GALNT14: variants seen among roughly 807,000 people sequenced by gnomAD.
GALNT14 encodes the protein polypeptide N-acetylgalactosaminyltransferase 14, also known as UDP-GalNAc:polypeptide N-acetylgalactosaminyltransferase 14.
Under a neutral mutation model 77.5 loss-of-function variants are expected in GALNT14, and 60 were observed. The observed-to-expected ratio is 0.77, with a 90% CI of 0.63 to 0.96. The LOEUF is 0.96. Among genes scored for constraint, GALNT14 ranks in the 40% least tolerant of loss-of-function variants. GALNT14 has a pLI of 0.00. For missense variants in GALNT14, 710 were observed against 731.0 expected (o/e 0.97, Z 0.33); for synonymous variants, 280 against 281.7 (o/e 0.99, Z 0.06).
At chr2:31,109,223 T>C (rs1156816407) in intron 1 of GALNT14, among the ~76,000 whole-genome samples, 3 of 152,130 alleles carry the variant, frequency 2.0e-5, no homozygotes, top group African/African-American at 7.2e-5. Flanking sequence ...CAGTGGCAAA[T>C]GGCAGAGAAA....
At chr2:30,931,943 C>T (rs1453113469) in intron 10 of GALNT14, 125 bp downstream of exon 10, 32 of 985,498 alleles carry the variant, frequency 3.2e-5, no homozygotes, top group African/African-American at 5.1e-5. Flanking sequence ...GGTGCAGCCC[C>T]GGCCAGTTCA....
At chr2:31,068,507 CAAAAAA>C (rs56916863) in intron 1 of GALNT14, among the ~76,000 whole-genome samples, 4 of 104,346 alleles carry the variant, frequency 3.8e-5, no homozygotes, top group East Asian at 2.9e-4. Context: ...GACCCCGTCT[CAAAAAA>C]AAAAAAAAAA....
At chr2:31,067,593 G>A (rs1675065099) in intron 1 of GALNT14, among the ~76,000 whole-genome samples, 2 of 152,122 alleles carry the variant, frequency 1.3e-5, no homozygotes, top group South Asian at 4.2e-4. Flanking sequence ...CCATGACTGA[G>A]GTGGCTTTCC....
At chr2:31,087,748 T>C (rs901106988) in intron 1 of GALNT14, among the ~76,000 whole-genome samples, 1 of 152,212 alleles carries the variant, frequency 6.6e-6, no homozygotes, top group Non-Finnish European at 1.5e-5. Flanking sequence ...AGCACATCCA[T>C]TGGATTTGGC....
rs1665553954 is a variant in GALNT14 at position 30,928,928 on chromosome 2, T to G, written c.1151+467A>C. On this transcript the variant is annotated intron_variant, in intron 11 of 14. Coordinates refer to ENST00000349752, the MANE Select transcript of GALNT14 (RefSeq NM_024572.4). ...CCACGCCAAGCCTGGTATCTAGCTT[T>G]TAATAAACATTCCTTTCTCTGTCCT... Among the ~76,000 whole-genome samples the G allele has an allele frequency of 3.9e-5, 6 of 152,142 alleles. No homozygotes were observed. The South Asian group carries it at 1.2e-3, about 32-fold the overall frequency.
the GALNT14 span, among the ~76,000 whole-genome samples, chr2:30,892,991 G>A: frequency 1.6e-4 from 24 of 152,268 alleles, no homozygotes; most frequent in African/African-American, 5.5e-4. Flanking sequence ...AAATTCAAAT[G>A]TTATACCTTT....
rs1033688525 is a variant in GALNT14 at position 31,014,393 on chromosome 2, C to T, written c.130-21386G>A. On this transcript the variant is annotated intron_variant, in intron 1 of 14. Transcript: ENST00000349752. ...CAACTCATTGCAGGGAGAAGCCCCT[C>T]CCACAGAGAGGCATTGGGCCCCCAG... Among the ~76,000 whole-genome samples the T allele has an allele frequency of 2.6e-5, 4 of 152,318 alleles. No individual in the cohort carries two copies. In the East Asian group the frequency reaches 7.7e-4, roughly 29 times the overall value.
In GALNT14 at chr2:30,911,405, G is replaced by T. The variant is rs929546308; in HGVS notation, c.1501-346C>A. ...TCAGCATCTGCACGATGGCAGAGAA[G>T]TGGGGAAGAGCTGGGAGCAGCGAGT... is the stretch of plus-strand genomic sequence containing the variant. On this transcript the variant is annotated intron_variant, in intron 14 of 14. Transcript: ENST00000349752. Among the ~76,000 whole-genome samples, 4 of 152,320 alleles carry T rather than the reference G, an allele frequency of 2.6e-5. No homozygotes were observed. The South Asian group carries it at 6.2e-4, about 24-fold the overall frequency.
intron 2 of GALNT14, among the ~76,000 whole-genome samples, chr2:30,979,868 C>T (rs542994220): frequency 3.9e-5 from 6 of 152,272 alleles, no homozygotes; most frequent in East Asian, 3.9e-4. Context: ...TCTCCTCTCC[C>T]GCTCTTTTCA....
intron 1 of GALNT14, among the ~76,000 whole-genome samples, chr2:31,034,785 A>G (rs771689755): frequency 6.6e-6 from 1 of 152,018 alleles, no homozygotes; most frequent in African/African-American, 2.4e-5. Flanking sequence ...AAATTTGTAT[A>G]TGTTGTGTTT....
chr2:30,944,800 C>T, intron 8 of GALNT14, 58 bp downstream of exon 8: 2 of 1,356,444 alleles, frequency 1.5e-6, no homozygotes, highest in Non-Finnish European at 2.0e-6. Flanking sequence ...CCTCCCTACA[C>T]TTGACAGGAT....
chr2:30,969,735 A>C (rs565396371), intron 2 of GALNT14, among the ~76,000 whole-genome samples: 1 of 152,024 alleles, frequency 6.6e-6, no homozygotes, highest in East Asian at 1.9e-4. Flanking sequence ...GGCTTGGGGG[A>C]TCAGGATACC....
rs373795616 is a variant in GALNT14 at position 31,037,838 on chromosome 2, G to C, written c.130-44831C>G. Among the ~76,000 whole-genome samples the C allele has an allele frequency of 8.6e-5, 13 of 151,884 alleles. No homozygotes were observed. The East Asian group carries it at 1.7e-3, about 20-fold the overall frequency. On this transcript the variant is annotated intron_variant, in intron 1 of 14. Transcript: ENST00000349752. ...GTGTTGGAGCACACTTTCTACACTA[G>C]CTGTTTATAACTCTGCCTCATTCTT... is the stretch of plus-strand genomic sequence containing the variant.
chr2:30,972,415 G>A (rs987396874), intron 2 of GALNT14, among the ~76,000 whole-genome samples: 1 of 152,214 alleles, frequency 6.6e-6, no homozygotes, highest in Admixed American at 6.5e-5. Context: ...TTACAGTGAT[G>A]ACGGTATCCA....
chr2:30,968,358 C>T (rs533433510), intron 2 of GALNT14, among the ~76,000 whole-genome samples: 2 of 152,334 alleles, frequency 1.3e-5, no homozygotes, highest in African/African-American at 2.4e-5. Context: ...GTAGCCCCTC[C>T]CTCACTGAAG....
intron 1 of GALNT14, among the ~76,000 whole-genome samples, chr2:31,110,346 G>T (rs1466277245): frequency 6.6e-6 from 1 of 152,100 alleles, no homozygotes; most frequent in Non-Finnish European, 1.5e-5. Context: ...GATTCCAAAG[G>T]CTATGACTTC....
rs551031035 is a variant in GALNT14 at position 31,007,480 on chromosome 2, G to T, written c.130-14473C>A. On this transcript the variant is annotated intron_variant, in intron 1 of 14. Transcript: ENST00000349752. The stretch of plus-strand genomic sequence containing the variant: ...TTCTTGTCCATTCATCAAAGCACTG[G>T]TGGCATGATCCCTTCTGCAGGTCCA... 5.3e-5 allele frequency among the ~76,000 whole-genome samples: 8 copies of T among 152,298 alleles called. No individual in the cohort carries two copies. The South Asian group carries it at 1.7e-3, about 32-fold the overall frequency.
chr2:31,096,552 T>C (rs926363513), intron 1 of GALNT14, among the ~76,000 whole-genome samples: 1 of 152,178 alleles, frequency 6.6e-6, no homozygotes, highest in Admixed American at 6.6e-5. Context: ...TTCAAAGCAC[T>C]TGTCCATGCC....
At chr2:31,010,030 T>C (rs1211753597) in intron 1 of GALNT14, among the ~76,000 whole-genome samples, 1 of 152,340 alleles carries the variant, frequency 6.6e-6, no homozygotes, top group South Asian at 2.1e-4. Flanking sequence ...CTGTCACCCA[T>C]GCTGCAGTGC....
Sources: allele counts gnomAD v4.1 joint callset (sites outside exome capture counted in the v4.1 genomes callset), GRCh38; gene constraint gnomAD v4.1.1; transcripts MANE v1.5; gene names NCBI Gene and HGNC (gene_info 2026-07-23, HGNC 2026-07-21).